The following SSH1 variants were observed in gnomAD, a reference collection of about 807,000 sequenced individuals.
SSH1 encodes slingshot protein phosphatase 1, also known as protein phosphatase Slingshot homolog 1.
A neutral mutation model predicts 79.7 loss-of-function variants in SSH1; 43 were observed. The observed-to-expected ratio is 0.54, with a 90% CI of 0.42 to 0.70. The LOEUF is 0.70. Among genes scored for constraint, SSH1 ranks in the 30% least tolerant of loss-of-function variants. The pLI, the probability that SSH1 is intolerant of heterozygous loss-of-function variation, is 0.00. For missense variants in SSH1, 1,206 were observed against 1,358.8 expected, an observed-to-expected ratio of 0.89 and a Z score of 1.77; for synonymous variants, 599 against 538.3, an observed-to-expected ratio of 1.11 and a Z score of -1.56.
chr12:108,793,351 G>T (rs535883072), intron 13 of SSH1, among the ~76,000 whole-genome samples: 64 of 151,152 alleles, frequency 4.2e-4, no homozygotes, highest in Non-Finnish European at 8.3e-4. Context: ...GTTTAGGTCA[G>T]TTTTTAAACA....
At chr12:108,804,941 C>G in intron 10 of SSH1, 115 bp downstream of exon 10, 1 of 1,333,004 alleles carries the variant, frequency 7.5e-7, no homozygotes, top group Non-Finnish European at 1.1e-6. Context: ...GATGGAGGCT[C>G]TGGCAACTCA....
At chr12:108,811,368 C>A in intron 5 of SSH1, 40 bp from the exon 6 acceptor site, 1 of 1,596,032 alleles carries the variant, frequency 6.3e-7, no homozygotes, top group Non-Finnish European at 8.6e-7. Context: ...TCAGCGTCTA[C>A]CCACCTACGT....
intron 14 of SSH1, 36 bp from the exon 15 acceptor site, chr12:108,789,280 G>A: frequency 6.4e-7 from 1 of 1,565,064 alleles, no homozygotes; most frequent in Non-Finnish European, 8.7e-7. Context: ...GTGAGACGGT[G>A]CAGTCATGAG....
chr12:108,857,576 G>C lies in SSH1; in HGVS notation c.-80C>G, dbSNP rs1341666986. 9.0e-6 allele frequency: 8 copies of C among 888,868 alleles called. No homozygotes were observed. In the African/African-American group the frequency reaches 9.2e-5, roughly 10 times the overall value. 55.1% of individuals were successfully genotyped at this position (888,868 alleles called of 1,614,324 possible). A position where few individuals can be genotyped will look rare whatever the true frequency, so the allele number is the denominator to read the frequency against. ...CCACCGCCGCCCGGGCCGGGCCCGG[G>C]GCCTCCTGGAGCCGCGCGCGGGCGG... On this transcript the variant is annotated 5_prime_UTR_variant, in exon 1 of 15. Transcript: ENST00000326495. This position sits in a 1 kb window ranked among gnomAD's most constrained non-coding sequence, Gnocchi z 4.7.
In SSH1 at chr12:108,778,305, T is replaced by G. The variant is rs192890379; in HGVS notation, c.*9683A>C. On this transcript the variant is annotated 3_prime_UTR_variant, in exon 15 of 15. Coordinates refer to ENST00000326495, the MANE Select transcript of SSH1 (RefSeq NM_018984.4). ...CCTTTTCATGGCATATCTCATTTAC[T>G]CCCTCACTCTCTCAGCATCTGTTGA... 1 of 152,334 alleles carries G rather than the reference T, an allele frequency of 6.6e-6. No homozygotes were observed. Among genetic ancestry groups the G allele is most frequent in the East Asian group, 1.9e-4 (1 of 5,192 alleles). The allele number at this position is 152,334 out of a possible 1,614,324, so 9.4% of individuals were successfully genotyped here.
At chr12:108,820,309 C>A (rs975292068) in intron 3 of SSH1, among the ~76,000 whole-genome samples, 1 of 152,108 alleles carries the variant, frequency 6.6e-6, no homozygotes, top group Non-Finnish European at 1.5e-5. Flanking sequence ...CTATGATGAG[C>A]GATTTGGAGA....
Position 108,792,763 on chromosome 12 carries a change from G to A in SSH1, c.1416C>T (p.Asp472=). The A allele has an allele frequency of 2.5e-6, 4 of 1,614,000 alleles. No individual in the cohort carries two copies. The highest frequency in any genetic ancestry group is 3.4e-6 in the Non-Finnish European group (4 of 1,180,046). The change falls in exon 14 of 15, where the codon GAC becomes GAT. Residue 472 remains aspartate (D), a synonymous_variant. Coordinates refer to ENST00000326495, the MANE Select transcript of SSH1 (RefSeq NM_018984.4). ...TDSSLQQPVD[D]PAGPGDFLPE... The stretch of plus-strand genomic sequence containing the variant: ...GCAAGAAGTCGCCAGGTCCTGCAGG[G>A]TCATCCACAGGCTGCTGGAGGCTGC...
chr12:108,856,576 G>A lies in SSH1; in HGVS notation c.69+852C>T, dbSNP rs2039147654. Among the ~76,000 whole-genome samples the A allele has an allele frequency of 3.3e-5, 5 of 152,208 alleles. No individual in the cohort carries two copies. The South Asian group carries it at 1.0e-3, about 32-fold the overall frequency. The stretch of plus-strand genomic sequence containing the variant: ...CCAGACTAAGGCTGCACGCACAGAC[G>A]TGAAACACAGCCACACAGAGCCCAC... On this transcript the variant is annotated intron_variant, in intron 1 of 14. Coordinates refer to ENST00000326495, the MANE Select transcript of SSH1 (RefSeq NM_018984.4).
chr12:108,855,347 G>A (rs1213533732), intron 1 of SSH1, among the ~76,000 whole-genome samples: 2 of 152,128 alleles, frequency 1.3e-5, no homozygotes, highest in African/African-American at 4.8e-5. Context: ...ATGGGGCAGG[G>A]GGAGGCTGCA....
chr12:108,793,016 C>T lies in SSH1; in HGVS notation c.1350-187G>A, dbSNP rs563813054. Among the ~76,000 whole-genome samples, 52 of 152,336 alleles carry T rather than the reference C, an allele frequency of 3.4e-4. 1 individual carries two copies. The highest frequency in any genetic ancestry group is 1.3e-3 in the African/African-American group (52 of 41,576). On this transcript the variant is annotated intron_variant, in intron 13 of 14. Transcript: ENST00000326495. ...AGAAACACAAGGATGAGAAACAGCACTGGCTCCTAAGTTGTCCAGGCTCGC... is the reference window on the plus strand; with the variant it reads ...AGAAACACAAGGATGAGAAACAGCATTGGCTCCTAAGTTGTCCAGGCTCGC...
chr12:108,820,172 C>G (rs1464410404), intron 3 of SSH1, among the ~76,000 whole-genome samples: 2 of 152,060 alleles, frequency 1.3e-5, no homozygotes, highest in Admixed American at 6.5e-5. Context: ...GCCACCAAAC[C>G]CAGGCCAATT....
chr12:108,812,112 C>T (rs1169366516), intron 5 of SSH1, among the ~76,000 whole-genome samples: 4 of 152,180 alleles, frequency 2.6e-5, no homozygotes, highest in Non-Finnish European at 5.9e-5. Context: ...CAGGACTCTT[C>T]TCAACCCCAT....
rs778108371 is a variant in SSH1, at chr12:108,786,558, A to C, written c.*1430T>G. On this transcript the variant is annotated 3_prime_UTR_variant, in exon 15 of 15. Transcript: ENST00000326495. The stretch of plus-strand genomic sequence containing the variant: ...GGCCACATGAATTCTGTCACATATT[A>C]TTTCTTTTTTTTACAACTCCTTAAA... The C allele has an allele frequency of 2.0e-5, 3 of 152,044 alleles. No homozygotes were observed. Among genetic ancestry groups the C allele is most frequent in the African/African-American group, 4.8e-5 (2 of 41,350 alleles). 9.4% of individuals were successfully genotyped at this position (152,044 alleles called of 1,614,324 possible). A position where few individuals can be genotyped will look rare whatever the true frequency, so the allele number is the denominator to read the frequency against.
At chr12:108,849,893 C>CT (rs1268004751) in intron 2 of SSH1, among the ~76,000 whole-genome samples, 2 of 31,174 alleles carry the variant, frequency 6.4e-5, no homozygotes, top group Admixed American at 4.1e-4. Context: ...GGGAGGAGAG[C>CT]CCAGAAGGGA....
rs1433591503 is a variant in SSH1 at position 108,779,911 on chromosome 12, G to C, written c.*8077C>G. 2.0e-5 allele frequency: 3 copies of C among 152,362 alleles called. No individual in the cohort carries two copies. Among genetic ancestry groups the C allele is most frequent in the African/African-American group, 2.4e-5 (1 of 41,560 alleles). 9.4% of individuals were successfully genotyped at this position (152,362 alleles called of 1,614,324 possible). A position where few individuals can be genotyped will look rare whatever the true frequency, so the allele number is the denominator to read the frequency against. On this transcript the variant is annotated 3_prime_UTR_variant, in exon 15 of 15. Coordinates refer to ENST00000326495, the MANE Select transcript of SSH1 (RefSeq NM_018984.4). ...GCTGGTCTTGAGCTTCTGACCTCAAGTGATCCACCTGCCTTGGCTTCCCAA... is the reference window on the plus strand; with the variant it reads ...GCTGGTCTTGAGCTTCTGACCTCAACTGATCCACCTGCCTTGGCTTCCCAA...
At chr12:108,847,336 G>A (rs933653248) in intron 2 of SSH1, among the ~76,000 whole-genome samples, 3 of 152,214 alleles carry the variant, frequency 2.0e-5, no homozygotes, top group African/African-American at 7.2e-5. Flanking sequence ...CAGCACAGGA[G>A]CCAGATGCCA....
intron 2 of SSH1, among the ~76,000 whole-genome samples, chr12:108,826,618 C>T (rs1051932472): frequency 5.3e-5 from 8 of 152,144 alleles, no homozygotes; most frequent in Non-Finnish European, 5.9e-5. Context: ...GTCTCTGTGA[C>T]CCGGCTTCCT....
At chr12:108,806,883 G>C (rs1241148985) in intron 8 of SSH1, among the ~76,000 whole-genome samples, 1 of 152,146 alleles carries the variant, frequency 6.6e-6, no homozygotes, top group African/African-American at 2.4e-5. Context: ...TTCCCCATGA[G>C]GAATCTTCAA....
At chr12:108,805,342 G>A (rs144313254) in intron 9 of SSH1, among the ~76,000 whole-genome samples, 158 bp from the exon 10 acceptor site, 4 of 152,280 alleles carry the variant, frequency 2.6e-5, no homozygotes, top group African/African-American at 9.6e-5. Context: ...CAACATACAT[G>A]CGTGGGTGGC....
Sources: gnomAD v4.1 joint callset for allele counts (sites outside exome capture counted in the v4.1 genomes callset) on GRCh38, gnomAD v4.1.1 for gene constraint, Gnocchi (gnomAD v3.1) non-coding constraint, MANE v1.5 for transcripts, NCBI Gene and HGNC (gene_info 2026-07-23, HGNC 2026-07-21) for gene names.